The following ZNF407 variants were observed in gnomAD, a reference collection of about 807,000 sequenced individuals.
The protein encoded by ZNF407 is zinc finger protein 407.
A neutral mutation model predicts 131.2 loss-of-function variants in ZNF407; 17 were observed. The observed-to-expected ratio is 0.13, with a 90% CI of 0.09 to 0.19. ZNF407 has a LOEUF of 0.19. ZNF407 is among the 10% of genes least tolerant of loss of function. The pLI is 1.00. For missense variants in ZNF407, 2,681 were observed against 2,830.6 expected (o/e 0.95, Z 1.20); for synonymous variants, 1,156 against 1,062.0 (o/e 1.09, Z -1.72).
At chr18:74,606,081 C>T (rs1209386711) in intron 1 of ZNF407, among the ~76,000 whole-genome samples, 5 of 152,190 alleles carry the variant, frequency 3.3e-5, no homozygotes, top group East Asian at 1.9e-4. Context: ...TCACTAGCGG[C>T]GGGCCTGGGC....
At chr18:74,639,033 C>T (rs755567629) in intron 2 of ZNF407, among the ~76,000 whole-genome samples, 2 of 152,068 alleles carry the variant, frequency 1.3e-5, no homozygotes, top group Non-Finnish European at 2.9e-5. Context: ...ATAGTCAAGG[C>T]CTCCATGATT....
At chr18:74,951,892 C>CA (rs35813237) in intron 8 of ZNF407, among the ~76,000 whole-genome samples, 209 of 140,284 alleles carry the variant, frequency 1.5e-3, no homozygotes, top group South Asian at 5.5e-3. Flanking sequence ...CAGGATCTGA[C>CA]AAAAAAAAAA....
At chr18:74,827,792 G>A (rs1305738774) in intron 4 of ZNF407, among the ~76,000 whole-genome samples, 1 of 152,144 alleles carries the variant, frequency 6.6e-6, no homozygotes, top group Admixed American at 6.6e-5. Context: ...ACATCTGTGT[G>A]TATTTCTAAG....
chr18:74,900,472 G>A (rs1390469215), intron 7 of ZNF407, among the ~76,000 whole-genome samples: 1 of 152,194 alleles, frequency 6.6e-6, no homozygotes, highest in Non-Finnish European at 1.5e-5. Flanking sequence ...TGCCACATGT[G>A]GAGCGTTCTT....
At chr18:74,617,514 A>G (rs1306921659) in intron 1 of ZNF407, among the ~76,000 whole-genome samples, 2 of 152,112 alleles carry the variant, frequency 1.3e-5, no homozygotes, top group Admixed American at 1.3e-4. Context: ...TCTGTCTTTT[A>G]TGACATTTTT....
intron 1 of ZNF407, among the ~76,000 whole-genome samples, chr18:74,610,618 C>T (rs760776348): frequency 3.9e-5 from 6 of 152,146 alleles, no homozygotes; most frequent in African/African-American, 9.7e-5. Flanking sequence ...TGGCTCATCT[C>T]GGCTCACTGC....
At position 74,755,863 on chromosome 18, in the gene ZNF407, T is replaced by C. The variant is rs1378395214; in HGVS notation, c.4803-25565T>C. Reference sequence around the variant, plus strand: ...TCCCTCCCTTCCTCCCTTCCTCCCTTCCTTCCTTCCTCTTTTCCTTCCTTT... The same window carrying C: ...TCCCTCCCTTCCTCCCTTCCTCCCTCCCTTCCTTCCTCTTTTCCTTCCTTT... On this transcript the variant is annotated intron_variant, in intron 3 of 8. Transcript: ENST00000299687. Among the ~76,000 whole-genome samples, 124 of 113,736 alleles carry C rather than the reference T, an allele frequency of 1.1e-3. 2 individuals are homozygous for C. The highest frequency in any genetic ancestry group is 5.6e-3 in the East Asian group (19 of 3,386). The allele number at this position is 113,736 out of a possible 152,430, so 74.6% of individuals were successfully genotyped here.
chr18:74,611,353 A>G (rs1231842499), intron 1 of ZNF407, among the ~76,000 whole-genome samples: 1 of 152,252 alleles, frequency 6.6e-6, no homozygotes, highest in Non-Finnish European at 1.5e-5. Context: ...CAGACAGGTC[A>G]TAGGGAGAAT....
At chr18:74,748,199 T>C (rs1968715398) in intron 3 of ZNF407, among the ~76,000 whole-genome samples, 1 of 152,064 alleles carries the variant, frequency 6.6e-6, no homozygotes, top group South Asian at 2.1e-4. Flanking sequence ...TTGCAAATAA[T>C]AAAAATTATG....
intron 1 of ZNF407, among the ~76,000 whole-genome samples, chr18:74,599,966 A>G (rs540779785): frequency 6.6e-6 from 1 of 152,308 alleles, no homozygotes; most frequent in East Asian, 1.9e-4. Flanking sequence ...TTGCTTTCCA[A>G]CTCTGATGAC....
rs756687783 is a variant in ZNF407 at position 75,063,396 on chromosome 18, C to G, written c.5675C>G (p.Thr1892Arg). 6.2e-7 allele frequency: 1 copy of G among 1,611,336 alleles called. No homozygotes were observed. The highest frequency in any genetic ancestry group is 8.5e-7 in the Non-Finnish European group (1 of 1,179,132). The stretch of plus-strand genomic sequence containing the variant: ...GAGACGGCCGCCGCCACGCTGCAGA[C>G]GCTGGCCATGGCCGGCCAGGTGGCC... Reference protein sequence around the residue: ...VEETAAATLQTLAMAGQVARV... With the variant: ...VEETAAATLQRLAMAGQVARV... The change falls in exon 9 of 9, where the codon ACG becomes AGG. Residue 1892 changes from threonine to arginine, a missense_variant. By Grantham distance (71) the Thr-to-Arg change is moderately conservative. Around this residue, in one of 6 missense-constraint regions of ZNF407, gnomAD observed 620 missense variants for 583.1 expected, o/e 1.06. Transcript: ENST00000299687. This position sits in a 1 kb window ranked among gnomAD's most constrained non-coding sequence, Gnocchi z 6.6.
intron 3 of ZNF407, among the ~76,000 whole-genome samples, chr18:74,684,287 T>C (rs967480186): frequency 6.6e-6 from 1 of 152,148 alleles, no homozygotes; most frequent in African/African-American, 2.4e-5. Flanking sequence ...AATCTGTATA[T>C]ATTTGTGTAA....
At chr18:74,921,035 T>G in intron 8 of ZNF407, 1 of 981,382 alleles carries the variant, frequency 1.0e-6, no homozygotes, top group Non-Finnish European at 1.2e-6. Flanking sequence ...ATTTTTTTTC[T>G]TAAAAAATGC....
Position 74,690,452 on chromosome 18 carries a change from G to GT in ZNF407, c.4802+49338dup, listed in dbSNP as rs35408876. Among the ~76,000 whole-genome samples the GT allele has an allele frequency of 3.3e-5, 5 of 150,578 alleles. No individual in the cohort carries two copies. In the East Asian group the frequency reaches 5.9e-4, roughly 18 times the overall value. Reference sequence around the variant, plus strand: ...TTAGTTTTTTTTTGTTTTTTTGGGGGTTTTTTTTGGTGTTTATTATTTTTG... The same window carrying GT: ...TTAGTTTTTTTTTGTTTTTTTGGGGGTTTTTTTTTGGTGTTTATTATTTTTG... On this transcript the variant is annotated intron_variant, in intron 3 of 8. Transcript: ENST00000299687.
chr18:74,817,841 G>A (rs145180735), intron 4 of ZNF407, among the ~76,000 whole-genome samples: 1 of 152,126 alleles, frequency 6.6e-6, no homozygotes, highest in African/African-American at 2.4e-5. Flanking sequence ...TATTTTAAGT[G>A]TGACCATGAG....
chr18:74,679,065 G>A (rs1966919406), intron 3 of ZNF407, among the ~76,000 whole-genome samples: 1 of 151,842 alleles, frequency 6.6e-6, no homozygotes. Context: ...TCTGTGTGGG[G>A]ACTCAGCGGT....
intron 3 of ZNF407, among the ~76,000 whole-genome samples, chr18:74,736,842 A>T (rs1471238438): frequency 6.6e-6 from 1 of 152,184 alleles, no homozygotes; most frequent in African/African-American, 2.4e-5. Flanking sequence ...TCATATAGTG[A>T]TGGGTCCTAT....
At chr18:74,947,285 G>T (rs562195329) in intron 8 of ZNF407, among the ~76,000 whole-genome samples, 2 of 152,256 alleles carry the variant, frequency 1.3e-5, no homozygotes, top group African/African-American at 4.8e-5. Context: ...TAGCTGAAAT[G>T]ATTCCTGGTT....
chr18:75,002,386 G>A (rs942039680), intron 8 of ZNF407, among the ~76,000 whole-genome samples: 1 of 152,122 alleles, frequency 6.6e-6, no homozygotes, highest in Non-Finnish European at 1.5e-5. Context: ...TTGTTGGTAG[G>A]AGGAGATGAG....
Sources: allele counts gnomAD v4.1 joint callset (sites outside exome capture counted in the v4.1 genomes callset), GRCh38; gene constraint gnomAD v4.1.1; regional missense constraint gnomAD v4.1.1; non-coding constraint Gnocchi (gnomAD v3.1); transcripts MANE v1.5; gene names NCBI Gene and HGNC (gene_info 2026-07-23, HGNC 2026-07-21).